The following HMCN2 variants were observed in gnomAD, a reference collection of about 807,000 sequenced individuals.
The protein encoded by HMCN2 is hemicentin-2.
HMCN2 carries 325 observed loss-of-function variants against 377.5 expected under a neutral mutation model. That is an observed-to-expected ratio of 0.86 (90% CI 0.79 to 0.94). The LOEUF is 0.94. Ranked by LOEUF, HMCN2 falls within the 40% of genes least tolerant of loss-of-function variation. The pLI is 0.00. For synonymous variants in HMCN2, 2,007 were observed against 2,046.8 expected, an observed-to-expected ratio of 0.98 and a Z score of 0.53; for missense variants, 4,543 against 4,725.3, an observed-to-expected ratio of 0.96 and a Z score of 1.13.
chr9:130,395,798 G>C (rs1367151895), intron 71 of HMCN2, 126 bp from the exon 72 acceptor site: 1 of 1,037,508 alleles, frequency 9.6e-7, no homozygotes, highest in African/African-American at 1.7e-5. Flanking sequence ...AGGGCCTGCG[G>C]TCAGCCTGGA....
intron 14 of HMCN2, among the ~76,000 whole-genome samples, chr9:130,309,484 C>T (rs1837095490): frequency 7.4e-6 from 1 of 135,032 alleles, no homozygotes; most frequent in East Asian, 2.2e-4. Context: ...CACAGCACTC[C>T]AGCCTAGGCA....
intron 73 of HMCN2, among the ~76,000 whole-genome samples, chr9:130,396,559 AAGCTTCTCTC>A (rs1286935974): frequency 1.3e-5 from 2 of 151,910 alleles, no homozygotes; most frequent in Non-Finnish European, 1.5e-5. Context: ...GATGGTTTTA[AAGCTTCTCTC>A]AGCTTCTCTC....
intron 85 of HMCN2, among the ~76,000 whole-genome samples, chr9:130,410,982 G>A (rs1564869391): frequency 1.3e-5 from 2 of 152,190 alleles, no homozygotes; most frequent in Non-Finnish European, 2.9e-5. Context: ...ATAACACTGT[G>A]AAGTTGTCTC....
At chr9:130,383,835 C>G (rs959293329) in intron 57 of HMCN2, among the ~76,000 whole-genome samples, 7 of 152,182 alleles carry the variant, frequency 4.6e-5, no homozygotes, top group African/African-American at 1.7e-4. Flanking sequence ...ACCACCATTA[C>G]TGAGCACTTA....
At chr9:130,370,750 A>C (rs1372062288) in intron 45 of HMCN2, among the ~76,000 whole-genome samples, 1 of 152,190 alleles carries the variant, frequency 6.6e-6, no homozygotes, top group South Asian at 2.1e-4. Context: ...CTGAGGCCCA[A>C]GGAGCCTGCC....
Position 130,308,813 on chromosome 9 carries a change from C to T in HMCN2, c.2201-1099C>T, listed in dbSNP as rs146079017. ...CTACATGGATGTCCTGCTAGGTGGA[C>T]GCTATTCTAGGTGAAGTCAGCCAGA... On this transcript the variant is annotated intron_variant, in intron 14 of 97. Transcript: ENST00000683500. This position sits in a 1 kb window ranked among gnomAD's most constrained non-coding sequence, Gnocchi z 4.1. Among the ~76,000 whole-genome samples, 572 of 152,324 alleles carry T rather than the reference C, an allele frequency of 3.8e-3. 4 individuals carry two copies. The highest frequency in any genetic ancestry group is 0.013 in the African/African-American group (539 of 41,562).
In HMCN2 at chr9:130,388,540, G is replaced by T; in HGVS notation, c.9523G>T (p.Glu3175Ter). ...VTWLKDRMPV[E>*]SSAVHGVVSR... ...TTGGCTGAAGGACAGGATGCCTGTG[G>T]GTGAGCACATCTGTCCTTGTCTGTT... is the stretch of plus-strand genomic sequence containing the variant. Residue 3175 changes from glutamate to a stop codon, truncating the protein, a stop_gained and splice_region_variant, in exon 62 of 98, where the codon GAG (glutamate) becomes TAG (stop). Coordinates refer to ENST00000683500, the MANE Select transcript of HMCN2 (RefSeq NM_001291815.2). LOFTEE classifies it high-confidence loss of function. The T allele has an allele frequency of 1.0e-6, 1 of 988,140 alleles. No individual in the cohort carries two copies. The highest frequency in any genetic ancestry group is 1.2e-6 in the Non-Finnish European group (1 of 830,148). The allele number at this position is 988,140 out of a possible 1,614,324, so 61.2% of individuals were successfully genotyped here. A position where few individuals can be genotyped will look rare whatever the true frequency, so the allele number is the denominator to read the frequency against.
rs1198144742 is a variant in HMCN2, at chr9:130,299,048, A to G, written c.1036A>G (p.Asn346Asp). Residue 346 changes from asparagine (N) to aspartate (D), a missense_variant, in exon 8 of 98, where the codon AAT becomes GAT. This residue lies in a region of HMCN2 where 547 missense variants were observed against 189.9 expected (regional missense o/e 2.88). Coordinates refer to ENST00000683500, the MANE Select transcript of HMCN2 (RefSeq NM_001291815.2). ...LQGVPISLVI[N>D]STGLKAPGRL... ...AGGAGTCCCCATCTCCCTGGTGATC[A>G]ATTCCACGGGCCTGAAGGCACCCGG... The G allele has an allele frequency of 2.1e-6, 1 of 470,478 alleles. No homozygotes were observed. Among genetic ancestry groups the G allele is most frequent in the Non-Finnish European group, 4.4e-6 (1 of 226,696 alleles). 29.1% of individuals were successfully genotyped at this position (470,478 alleles called of 1,614,324 possible).
intron 13 of HMCN2, among the ~76,000 whole-genome samples, chr9:130,307,228 G>C (rs868908563): frequency 3.9e-5 from 6 of 152,178 alleles, no homozygotes; most frequent in Non-Finnish European, 7.4e-5. Flanking sequence ...CCCAGGACTC[G>C]GTCATGACCT....
At chr9:130,343,503 A>G (rs1839175657) in intron 25 of HMCN2, among the ~76,000 whole-genome samples, 2 of 152,174 alleles carry the variant, frequency 1.3e-5, no homozygotes, top group African/African-American at 2.4e-5. Context: ...CCCCAGGTGC[A>G]GAGCTGCCGA....
Position 130,298,930 on chromosome 9 carries a change from G to A in HMCN2, c.1013-95G>A, listed in dbSNP as rs1836318008. The A allele has an allele frequency of 7.8e-6, 3 of 382,830 alleles. No individual in the cohort carries two copies. The Admixed American group carries it at 9.6e-5, about 12-fold the overall frequency. The allele number at this position is 382,830 out of a possible 1,614,324, so 23.7% of individuals were successfully genotyped here. On this transcript the variant is annotated intron_variant, in intron 7 of 97. Coordinates refer to ENST00000683500, the MANE Select transcript of HMCN2 (RefSeq NM_001291815.2). ...CCAGGTAGGAAGGGCCAGGCAAGCAGGACCCCTGGGGTGTGGTTCGAGGGC... is the reference window on the plus strand; with the variant it reads ...CCAGGTAGGAAGGGCCAGGCAAGCAAGACCCCTGGGGTGTGGTTCGAGGGC...
In HMCN2 at chr9:130,285,165, G is replaced by C. The variant is rs1210897272; in HGVS notation, c.338G>C (p.Gly113Ala). 1.1e-5 allele frequency: 5 copies of C among 470,988 alleles called. No homozygotes were observed. The highest frequency in any genetic ancestry group is 1.0e-4 in the African/African-American group (5 of 50,072). The allele number at this position is 470,988 out of a possible 1,614,324, so 29.2% of individuals were successfully genotyped here. Residue 113 changes from glycine (G) to alanine (A), a missense_variant, in exon 3 of 98, where the codon GGT becomes GCT. Transcript: ENST00000683500. ...ELRELYVQGGGDCPEMSVGAI... is the reference protein window; with the variant it reads ...ELRELYVQGGADCPEMSVGAI... The stretch of plus-strand genomic sequence containing the variant: ...CATGCTTCTGCCCTCCAGGGAGGTG[G>C]TGACTGCCCGGAGATGAGTGTGGGG...
intron 37 of HMCN2, among the ~76,000 whole-genome samples, chr9:130,359,917 C>T (rs1488166284): frequency 1.3e-5 from 2 of 152,168 alleles, no homozygotes; most frequent in African/African-American, 2.4e-5. Flanking sequence ...GGGATGCCTG[C>T]TGAGTTCCGG....
In HMCN2 at chr9:130,402,830, C is replaced by T. The variant is rs550496339; in HGVS notation, c.11812C>T (p.Arg3938Cys). ...GCAGGCCCTCCCCATCCACGCAGGC[C>T]GCTACACCTGCTCAGCCCGCAACTC... ...IGQALPIHAG[R>C]YTCSARNSAG... is the part of the protein sequence containing the mutation. Residue 3938 changes from arginine (R) to cysteine (C), a missense_variant, in exon 78 of 98, where the codon CGC becomes TGC. Arg to Cys is a radical substitution (Grantham distance 180, BLOSUM62 -3). Transcript: ENST00000683500. 2.6e-5 allele frequency: 34 copies of T among 1,289,756 alleles called. No homozygotes were observed. The highest frequency in any genetic ancestry group is 1.7e-4 in the African/African-American group (11 of 65,956). The allele number at this position is 1,289,756 out of a possible 1,614,324, so 79.9% of individuals were successfully genotyped here.
intron 90 of HMCN2, 53 bp from the exon 91 acceptor site, chr9:130,427,260 C>T: frequency 1.3e-6 from 2 of 1,535,402 alleles, no homozygotes; most frequent in South Asian, 2.4e-5. Context: ...GCCAGGGCAG[C>T]CTTGGGAGAG....
chr9:130,328,266 G>A (rs1409665851), intron 22 of HMCN2, among the ~76,000 whole-genome samples: 1 of 152,176 alleles, frequency 6.6e-6, no homozygotes, highest in African/African-American at 2.4e-5. Flanking sequence ...ATCATCGGTG[G>A]GGTCCCCCAT....
chr9:130,433,875 C>T lies in HMCN2; in HGVS notation c.*182C>T. The T allele has an allele frequency of 3.6e-6, 2 of 559,986 alleles. No individual in the cohort carries two copies. Among genetic ancestry groups the T allele is most frequent in the South Asian group, 6.0e-5 (2 of 33,278 alleles). 34.7% of individuals were successfully genotyped at this position (559,986 alleles called of 1,614,324 possible). ...TTGACCCCCGACAGCGAGGACCTGA[C>T]CTCACAGAGGGAGGCGTCCAGGGCG... On this transcript the variant is annotated 3_prime_UTR_variant, in exon 98 of 98. Coordinates refer to ENST00000683500, the MANE Select transcript of HMCN2 (RefSeq NM_001291815.2).
Position 130,333,889 on chromosome 9 carries a change from A to G in HMCN2, c.3360-4005A>G, listed in dbSNP as rs894602428. Among the ~76,000 whole-genome samples, 5 of 152,218 alleles carry G rather than the reference A, an allele frequency of 3.3e-5. No homozygotes were observed. In the South Asian group the frequency reaches 1.0e-3, roughly 32 times the overall value. On this transcript the variant is annotated intron_variant, in intron 22 of 97. Transcript: ENST00000683500. ...GCATCTCTCTGTGCCAGGTCTGAGC[A>G]GGTCCTGGAGATACCAAGAGAAATA...
chr9:130,287,554 A>T (rs1316841533), intron 4 of HMCN2, among the ~76,000 whole-genome samples: 1 of 9,754 alleles, frequency 1.0e-4, no homozygotes, highest in East Asian at 8.2e-3. Flanking sequence ...TCTGTCTTAA[A>T]AAAAAAAAAA....
Sources: gnomAD v4.1 joint callset for allele counts (sites outside exome capture counted in the v4.1 genomes callset) on GRCh38, gnomAD v4.1.1 for gene constraint, gnomAD v4.1.1 regional missense constraint, Gnocchi (gnomAD v3.1) non-coding constraint, MANE v1.5 for transcripts, NCBI Gene and HGNC (gene_info 2026-07-23, HGNC 2026-07-21) for gene names.